The following DISP3 variants were observed in gnomAD, a reference collection of about 807,000 sequenced individuals.
DISP3 encodes dispatched RND transporter family member 3, also known as protein dispatched homolog 3.
DISP3 carries 101 observed loss-of-function variants against 135.3 expected under a neutral mutation model. The observed-to-expected ratio is 0.75, with a 90% CI of 0.64 to 0.88. DISP3 has a LOEUF of 0.88. Among genes scored for constraint, DISP3 ranks in the 40% least tolerant of loss-of-function variants. The probability of loss-of-function intolerance (pLI) is 0.00; values close to 1 mark genes in which losing one functional copy is unlikely to be tolerated. For missense variants in DISP3, 1,713 were observed against 1,878.6 expected, an observed-to-expected ratio of 0.91 and a Z score of 1.63; for synonymous variants, 856 against 817.0, an observed-to-expected ratio of 1.05 and a Z score of -0.81.
rs1641449910 is a variant in DISP3 at position 11,499,787 on chromosome 1, T to C, written c.-3-1203T>C. Among the ~76,000 whole-genome samples, 1 of 152,216 alleles carries C rather than the reference T, an allele frequency of 6.6e-6. No individual in the cohort carries two copies. Among genetic ancestry groups the C allele is most frequent in the Non-Finnish European group, 1.5e-5 (1 of 68,028 alleles). ...GTTTCCCTCCTTCCGTCACCTCCTC[T>C]TGCTTACTTTCTCTGGACTGACGAC... is the stretch of plus-strand genomic sequence containing the variant. On this transcript the variant is annotated intron_variant, in intron 1 of 20. Transcript: ENST00000294484. This position sits in a 1 kb window ranked among gnomAD's most constrained non-coding sequence, Gnocchi z 5.2.
rs1641491302 is a variant in DISP3 at position 11,500,992 on chromosome 1, T to C, written c.-1T>C. On this transcript the variant is annotated splice_region_variant and 5_prime_UTR_variant, in exon 2 of 21. Transcript: ENST00000294484. Reference sequence around the variant, plus strand: ...CTGACCCTCTCCCTCTCCTGCAGACTATGGACACGGAGGATGACCCCTTGC... The same window carrying C: ...CTGACCCTCTCCCTCTCCTGCAGACCATGGACACGGAGGATGACCCCTTGC... 6.2e-7 allele frequency: 1 copy of C among 1,613,650 alleles called. No homozygotes were observed. Among genetic ancestry groups the C allele is most frequent in the African/African-American group, 1.3e-5 (1 of 74,912 alleles).
chr1:11,536,829 CA>C lies in DISP3; in HGVS notation c.*144del. The stretch of plus-strand genomic sequence containing the variant: ...GCCAGCGTGGAGGCTGACACCCACA[CA>C]GATGGTGTGGACCATGCTGCCTTGT... On this transcript the variant is annotated 3_prime_UTR_variant, in exon 21 of 21. Transcript: ENST00000294484. The surrounding 1 kb of genome is among the most constrained non-coding windows in gnomAD (Gnocchi z 4.3). 1 of 1,127,808 alleles carries C rather than the reference CA, an allele frequency of 8.9e-7. No homozygotes were observed. The highest frequency in any genetic ancestry group is 1.2e-6 in the Non-Finnish European group (1 of 822,210). The allele number at this position is 1,127,808 out of a possible 1,614,324, so 69.9% of individuals were successfully genotyped here.
In DISP3 at chr1:11,515,412, C is replaced by T; in HGVS notation, c.1497C>T (p.Cys499=). 6.2e-7 allele frequency: 1 copy of T among 1,614,204 alleles called. No homozygotes were observed. Among genetic ancestry groups the T allele is most frequent in the South Asian group, 1.1e-5 (1 of 91,082 alleles). The change falls in exon 5 of 21, where the codon TGC becomes TGT. Residue 499 remains cysteine (C), a synonymous_variant. Coordinates refer to ENST00000294484, the MANE Select transcript of DISP3 (RefSeq NM_020780.2). Reference sequence around the variant, plus strand: ...GGATTGCCAGCATTGGTCTCAGCTGCCTGGTGGCCCTCTTCCTGTACCACG... The same window carrying T: ...GGATTGCCAGCATTGGTCTCAGCTGTCTGGTGGCCCTCTTCCTGTACCACG... The part of the protein sequence containing the change: ...FFGIASIGLS[C]LVALFLYHVV...
In DISP3 at chr1:11,516,596, T is replaced by C. The variant is rs1003515140; in HGVS notation, c.1749+435T>C. 3.3e-5 allele frequency among the ~76,000 whole-genome samples: 5 copies of C among 152,252 alleles called. No homozygotes were observed. The highest frequency in any genetic ancestry group is 1.2e-4 in the African/African-American group (5 of 41,462). On this transcript the variant is annotated intron_variant, in intron 6 of 20. Transcript: ENST00000294484. The surrounding 1 kb of genome is among the most constrained non-coding windows in gnomAD (Gnocchi z 5.1). Reference sequence around the variant, plus strand: ...ACCAAGTCCATAGTGATTCCCCTTCTGCCTGCTTCTGGCTGCATTTTCCTC... The same window carrying C: ...ACCAAGTCCATAGTGATTCCCCTTCCGCCTGCTTCTGGCTGCATTTTCCTC...
At chr1:11,535,398 G>A (rs1056440650) in intron 19 of DISP3, 80 bp from the exon 20 acceptor site, 3 of 1,513,406 alleles carry the variant, frequency 2.0e-6, no homozygotes, top group African/African-American at 2.7e-5. Flanking sequence ...GAGGGTGGGG[G>A]CTGGACTCCA....
In DISP3 at chr1:11,519,059, C is replaced by A. The variant is rs570841778; in HGVS notation, c.1890-296C>A. 3.3e-5 allele frequency among the ~76,000 whole-genome samples: 5 copies of A among 152,220 alleles called. No individual in the cohort carries two copies. The South Asian group carries it at 1.0e-3, about 32-fold the overall frequency. On this transcript the variant is annotated intron_variant, in intron 7 of 20. Coordinates refer to ENST00000294484, the MANE Select transcript of DISP3 (RefSeq NM_020780.2). This position sits in a 1 kb window ranked among gnomAD's most constrained non-coding sequence, Gnocchi z 4.3. ...CCACACAGCAGCAGAGGAATGAGTC[C>A]CCTGATTTGATCACCTTAGTGCCCG...
chr1:11,532,369 C>T (rs1489844465), intron 17 of DISP3, among the ~76,000 whole-genome samples: 1 of 152,224 alleles, frequency 6.6e-6, no homozygotes, highest in Non-Finnish European at 1.5e-5. Context: ...TACTCGTCCC[C>T]TCTGGCCTCA....
intron 11 of DISP3, 38 bp downstream of exon 11, chr1:11,524,093 G>C: frequency 6.8e-7 from 1 of 1,469,190 alleles, no homozygotes. Flanking sequence ...AATCCTCCCT[G>C]GTGCTAGGGT....
At chr1:11,526,877 C>G (rs1280824803) in intron 13 of DISP3, 42 bp downstream of exon 13, 3 of 1,573,598 alleles carry the variant, frequency 1.9e-6, no homozygotes, top group Non-Finnish European at 2.6e-6. Context: ...ATCAGCCCGG[C>G]TGCTTCTTTG....
rs1433623220 is a variant in DISP3, at chr1:11,536,160, C to T, written c.3817-164C>T. 2.0e-5 allele frequency among the ~76,000 whole-genome samples: 3 copies of T among 152,168 alleles called. No individual in the cohort carries two copies. In the East Asian group the frequency reaches 5.8e-4, roughly 29 times the overall value. Reference sequence around the variant, plus strand: ...CCCTCGCGTCCTGTTGCCATAGCAACACCTACCTGGTTCCTACCCTCCCAA... The same window carrying T: ...CCCTCGCGTCCTGTTGCCATAGCAATACCTACCTGGTTCCTACCCTCCCAA... On this transcript the variant is annotated intron_variant, in intron 20 of 20. Coordinates refer to ENST00000294484, the MANE Select transcript of DISP3 (RefSeq NM_020780.2). This position sits in a 1 kb window ranked among gnomAD's most constrained non-coding sequence, Gnocchi z 4.3.
rs1642514493 is a variant in DISP3, at chr1:11,529,438, G to A, written c.2799-118G>A. ...GAACAAATCCCCATGCCGGGGCAGAGCCCGAGTCCAGACCCCATGACACCC... is the reference window on the plus strand; with the variant it reads ...GAACAAATCCCCATGCCGGGGCAGAACCCGAGTCCAGACCCCATGACACCC... On this transcript the variant is annotated intron_variant, in intron 13 of 20. Coordinates refer to ENST00000294484, the MANE Select transcript of DISP3 (RefSeq NM_020780.2). This position sits in a 1 kb window ranked among gnomAD's most constrained non-coding sequence, Gnocchi z 4.7. 1.6e-6 allele frequency: 2 copies of A among 1,237,066 alleles called. No homozygotes were observed. The highest frequency in any genetic ancestry group is 2.2e-6 in the Non-Finnish European group (2 of 893,786). The allele number at this position is 1,237,066 out of a possible 1,614,324, so 76.6% of individuals were successfully genotyped here.
chr1:11,523,981 T>C lies in DISP3; in HGVS notation c.2402T>C (p.Ile801Thr). 9 of 1,613,032 alleles carry C rather than the reference T, an allele frequency of 5.6e-6. No individual in the cohort carries two copies. The highest frequency in any genetic ancestry group is 7.6e-6 in the Non-Finnish European group (9 of 1,179,550). Residue 801 changes from isoleucine (I) to threonine (T), a missense_variant, in exon 11 of 21, where the codon ATC becomes ACC. This residue lies in a region of DISP3 where 1,142 missense variants were observed against 1,384.6 expected (regional missense o/e 0.82). Coordinates refer to ENST00000294484, the MANE Select transcript of DISP3 (RefSeq NM_020780.2). The part of the protein sequence containing the change: ...QEKPHSLQNN[I>T]RTSLEKKRRG... ...AAGCCCCACAGCCTGCAGAACAACATCCGGACGTCCCTGGAGAAGAAGAGG... is the reference window on the plus strand; with the variant it reads ...AAGCCCCACAGCCTGCAGAACAACACCCGGACGTCCCTGGAGAAGAAGAGG...
At chr1:11,500,879 G>A (rs1641486349) in intron 1 of DISP3, 111 bp from the exon 2 acceptor site, 1 of 1,185,498 alleles carries the variant, frequency 8.4e-7, no homozygotes, top group African/African-American at 1.5e-5. Context: ...TGCAGTATTA[G>A]TATTTGGTTA....
chr1:11,520,768 G>A lies in DISP3; in HGVS notation c.2282G>A (p.Arg761Gln), dbSNP rs779669515. Residue 761 changes from arginine to glutamine, a missense_variant, in exon 10 of 21, where the codon CGG (arginine) becomes CAG (glutamine). Physicochemically the swap from Arg to Gln is conservative, Grantham distance 43. Around this residue, in one of 2 missense-constraint regions of DISP3, gnomAD observed 1,142 missense variants for 1,384.6 expected, o/e 0.82. Coordinates refer to ENST00000294484, the MANE Select transcript of DISP3 (RefSeq NM_020780.2). The surrounding 1 kb of genome is among the most constrained non-coding windows in gnomAD (Gnocchi z 4.8). ...RPASRAPLLF[R>Q]PDTNIQVLLD... ...GCCAGCCGGGCCCCGCTACTCTTCC[G>A]GCCTGATACCAACATCCAGGTGCTG... The A allele has an allele frequency of 1.7e-5, 28 of 1,613,362 alleles. No homozygotes were observed. The highest frequency in any genetic ancestry group is 1.5e-4 in the Admixed American group (9 of 59,988).
chr1:11,483,165 C>T lies in DISP3; in HGVS notation c.-4+3793C>T, dbSNP rs541333620. On this transcript the variant is annotated intron_variant, in intron 1 of 20. Transcript: ENST00000294484. This position sits in a 1 kb window ranked among gnomAD's most constrained non-coding sequence, Gnocchi z 5.4. ...CCTGGCCGCTGGGAGACCAGACAGC[C>T]GCACTCCACTCTGCACCAGCTGGAA... Among the ~76,000 whole-genome samples, 39 of 152,320 alleles carry T rather than the reference C, an allele frequency of 2.6e-4. No individual in the cohort carries two copies. The highest frequency in any genetic ancestry group is 8.9e-4 in the African/African-American group (37 of 41,566).
intron 5 of DISP3, 75 bp from the exon 6 acceptor site, chr1:11,515,926 G>A: frequency 6.5e-7 from 1 of 1,549,720 alleles, no homozygotes; most frequent in East Asian, 2.3e-5. Flanking sequence ...CTCACACTTG[G>A]TCTAGGGCCA....
In DISP3 at chr1:11,519,359, C is replaced by A; in HGVS notation, c.1894C>A (p.His632Asn). 3 of 1,613,772 alleles carry A rather than the reference C, an allele frequency of 1.9e-6. No individual in the cohort carries two copies. In the South Asian group the frequency reaches 3.3e-5, roughly 18 times the overall value. ...TGTCCCCTACTCTCTCCACAGCTGCCACCAGAATTGCAGCCGGAAGACCTC... is the reference window on the plus strand; with the variant it reads ...TGTCCCCTACTCTCTCCACAGCTGCAACCAGAATTGCAGCCGGAAGACCTC... ...PLESSCQTSC[H>N]QNCSRKTSLH... Residue 632 changes from histidine (H) to asparagine (N), a missense_variant, in exon 8 of 21, where the codon CAC becomes AAC. Around this residue, in one of 2 missense-constraint regions of DISP3, gnomAD observed 1,142 missense variants for 1,384.6 expected, o/e 0.82. Coordinates refer to ENST00000294484, the MANE Select transcript of DISP3 (RefSeq NM_020780.2). This position sits in a 1 kb window ranked among gnomAD's most constrained non-coding sequence, Gnocchi z 4.3.
chr1:11,522,804 G>A (rs796808255), intron 10 of DISP3, among the ~76,000 whole-genome samples: 33 of 82,404 alleles, frequency 4.0e-4, no homozygotes, highest in South Asian at 1.8e-3. Context: ...GCCCAGCCAG[G>A]ACCCAGCCAG....
At chr1:11,504,795 C>G (rs951708302) in intron 3 of DISP3, among the ~76,000 whole-genome samples, 1 of 152,170 alleles carries the variant, frequency 6.6e-6, no homozygotes, top group Non-Finnish European at 1.5e-5. Context: ...AACTTCCCAG[C>G]CTGCAGAACC....
Sources: allele counts gnomAD v4.1 joint callset (sites outside exome capture counted in the v4.1 genomes callset), GRCh38; gene constraint gnomAD v4.1.1; regional missense constraint gnomAD v4.1.1; non-coding constraint Gnocchi (gnomAD v3.1); transcripts MANE v1.5; gene names NCBI Gene and HGNC (gene_info 2026-07-23, HGNC 2026-07-21).